Variants in CACNA1C observed in about 807,000 individuals in gnomAD.
CACNA1C encodes calcium voltage-gated channel subunit alpha1 C.
In CACNA1C, 30 loss-of-function variants were observed where a neutral mutation model predicts 229.0. That is an observed-to-expected ratio of 0.13 (90% confidence interval 0.10 to 0.18). The LOEUF (loss-of-function observed/expected upper bound fraction) is 0.18. Among genes scored for constraint, CACNA1C ranks in the 10% least tolerant of loss-of-function variants. The pLI is 1.00. For synonymous variants in CACNA1C, 1,114 were observed against 1,132.5 expected (o/e 0.98, Z 0.33); for missense variants, 1,658 against 2,845.0 (o/e 0.58, Z 9.49).
chr12:2,178,086 A>G (rs1479032886), intron 3 of CACNA1C, among the ~76,000 whole-genome samples: 1 of 152,226 alleles, frequency 6.6e-6, no homozygotes, highest in African/African-American at 2.4e-5. Context: ...GAGAAAAGGA[A>G]GGACACAGTG....
intron 3 of CACNA1C, among the ~76,000 whole-genome samples, chr12:2,421,033 GACTA>G (rs752404825): frequency 9.4e-4 from 143 of 152,232 alleles, no homozygotes; most frequent in Non-Finnish European, 1.4e-3. Context: ...AACTATTAGT[GACTA>G]ACTAAGTTGA....
intron 29 of CACNA1C, among the ~76,000 whole-genome samples, chr12:2,616,322 A>T (rs749198168): frequency 6.6e-6 from 1 of 152,174 alleles, no homozygotes; most frequent in Non-Finnish European, 1.5e-5. Context: ...ACAAAGCCAG[A>T]TGGTTTCTCT....
intron 1 of CACNA1C, among the ~76,000 whole-genome samples, chr12:2,019,489 A>AAGGG (rs139670456): frequency 0.14 from 18,037 of 128,874 alleles, 1,511 homozygotes; most frequent in East Asian, 0.19. Flanking sequence ...AAAGAAAAGA[A>AAGGG]AGGGAGGGAG....
chr12:2,310,352 A>ATATATATATATAT (rs1555425896), intron 3 of CACNA1C, among the ~76,000 whole-genome samples: 15 of 139,838 alleles, frequency 1.1e-4, no homozygotes, highest in East Asian at 8.6e-4. Flanking sequence ...TAAAAAAAAA[A>ATATATATATATAT]ATATATATAT....
chr12:2,182,442 G>A (rs942085054), intron 3 of CACNA1C, among the ~76,000 whole-genome samples: 5 of 151,598 alleles, frequency 3.3e-5, no homozygotes, highest in African/African-American at 4.9e-5. Flanking sequence ...ACCTTAAATC[G>A]AAATCCACTC....
intron 3 of CACNA1C, among the ~76,000 whole-genome samples, chr12:2,390,581 G>C (rs73037239): frequency 0.061 from 9,332 of 152,236 alleles, 306 homozygotes; most frequent in African/African-American, 0.089. Flanking sequence ...TGGACGAAGT[G>C]CTTTGGGAAA....
chr12:2,638,547 T>G (rs2093198042), intron 30 of CACNA1C, among the ~76,000 whole-genome samples: 1 of 152,252 alleles, frequency 6.6e-6, no homozygotes, highest in Admixed American at 6.5e-5. Flanking sequence ...CCACTCTGGC[T>G]GGCTGTAGGA....
At chr12:2,594,896 G>A (rs1386848772) in intron 19 of CACNA1C, among the ~76,000 whole-genome samples, 1 of 152,178 alleles carries the variant, frequency 6.6e-6, no homozygotes, top group Non-Finnish European at 1.5e-5. Flanking sequence ...CTCAAGACTG[G>A]CTTAACCTGC....
chr12:1,985,739 C>T (rs1328352779), intron 1 of CACNA1C, among the ~76,000 whole-genome samples: 1 of 152,198 alleles, frequency 6.6e-6, no homozygotes, highest in Non-Finnish European at 1.5e-5. Context: ...AGAAAGCAAT[C>T]AATTCAGTTA....
chr12:2,243,801 A>C (rs1001173475), intron 3 of CACNA1C, among the ~76,000 whole-genome samples: 4 of 152,228 alleles, frequency 2.6e-5, no homozygotes, highest in African/African-American at 9.6e-5. Flanking sequence ...AATGCTGGGC[A>C]CTGAATTCCT....
chr12:2,155,217 C>T (rs2095498207), intron 3 of CACNA1C, among the ~76,000 whole-genome samples: 1 of 152,132 alleles, frequency 6.6e-6, no homozygotes, highest in African/African-American at 2.4e-5. Context: ...TTTTCTATGA[C>T]AGTGGTTCCC....
At chr12:2,460,775 T>G (rs2099495531) in intron 5 of CACNA1C, among the ~76,000 whole-genome samples, 2 of 152,208 alleles carry the variant, frequency 1.3e-5, no homozygotes, top group African/African-American at 4.8e-5. Flanking sequence ...TGTAGGTAGC[T>G]CCATGCTTAT....
chr12:2,182,150 AAAAAAT>A (rs1484685030), intron 3 of CACNA1C, among the ~76,000 whole-genome samples: 1 of 151,880 alleles, frequency 6.6e-6, no homozygotes, highest in African/African-American at 2.4e-5. Flanking sequence ...AAAAAAAAAA[AAAAAAT>A]GACGGTACCA....
chr12:2,147,724 G>A (rs1597314400), intron 3 of CACNA1C, among the ~76,000 whole-genome samples: 1 of 145,150 alleles, frequency 6.9e-6, no homozygotes, highest in South Asian at 2.3e-4. Context: ...TGGAAGGAGA[G>A]AAAATGCAAA....
At position 2,192,000 on chromosome 12, in the gene CACNA1C, TCA is replaced by T. The variant is rs563360937; in HGVS notation, c.477+71577_477+71578del. Among the ~76,000 whole-genome samples the T allele has an allele frequency of 2.9e-3, 437 of 150,556 alleles. 3 individuals are homozygous for T. Among genetic ancestry groups the T allele is most frequent in the African/African-American group, 8.7e-3 (357 of 40,846 alleles). The stretch of plus-strand genomic sequence containing the variant: ...CGTGTACACGCACGCACACATGTAT[TCA>T]CACACATACGTTCACACATATACAC... On this transcript the variant is annotated intron_variant, in intron 3 of 46. Transcript: ENST00000399655.
rs2095859170 is a variant in CACNA1C at position 2,319,430 on chromosome 12, G to A, written c.478-129546G>A. Among the ~76,000 whole-genome samples, 1 of 152,118 alleles carries A rather than the reference G, an allele frequency of 6.6e-6. No homozygotes were observed. Among genetic ancestry groups the A allele is most frequent in the South Asian group, 2.1e-4 (1 of 4,830 alleles). ...TGATGGCCAGTGTACACGATGAGCA[G>A]CCACCATGCATCAGGAGGAAGAGAC... is the stretch of plus-strand genomic sequence containing the variant. On this transcript the variant is annotated intron_variant, in intron 3 of 46. Transcript: ENST00000399655. This position sits in a 1 kb window ranked among gnomAD's most constrained non-coding sequence, Gnocchi z 4.0.
At chr12:2,638,322 G>A (rs1247739649) in intron 30 of CACNA1C, among the ~76,000 whole-genome samples, 4 of 152,210 alleles carry the variant, frequency 2.6e-5, no homozygotes, top group Non-Finnish European at 5.9e-5. Flanking sequence ...AAGGCATGAA[G>A]GAATTGAGGA....
chr12:2,497,155 G>C (rs139113481), intron 7 of CACNA1C, among the ~76,000 whole-genome samples: 139 of 152,336 alleles, frequency 9.1e-4, no homozygotes, highest in African/African-American at 3.3e-3. Flanking sequence ...TGTAAAGTCT[G>C]CTGGGTCAGC....
At chr12:2,671,580 G>A (rs1429314003) in intron 38 of CACNA1C, among the ~76,000 whole-genome samples, 1 of 152,160 alleles carries the variant, frequency 6.6e-6, no homozygotes, top group Non-Finnish European at 1.5e-5. Context: ...GTGAGATTTT[G>A]TTCCCTAGAG....
Sources: allele counts gnomAD v4.1 joint callset (sites outside exome capture counted in the v4.1 genomes callset), GRCh38; gene constraint gnomAD v4.1.1; non-coding constraint Gnocchi (gnomAD v3.1); transcripts MANE v1.5; gene names NCBI Gene and HGNC (gene_info 2026-07-23, HGNC 2026-07-21).